Variants in CDH23 observed in about 807,000 individuals in gnomAD.
CDH23 encodes cadherin related 23.
In CDH23, 189 loss-of-function variants were observed where a neutral mutation model predicts 317.1. That is an observed-to-expected ratio of 0.60 (90% CI 0.53 to 0.67). CDH23 has a LOEUF of 0.67. Among genes scored for constraint, CDH23 ranks in the 30% least tolerant of loss-of-function variants. The pLI, the probability that CDH23 is intolerant of heterozygous loss-of-function variation, is 0.00. For synonymous variants in CDH23, 1,839 were observed against 1,876.8 expected (o/e 0.98, Z 0.52); for missense variants, 4,401 against 4,592.4 (o/e 0.96, Z 1.20).
chr10:71,804,290 G>C (rs1841647156), intron 55 of CDH23, among the ~76,000 whole-genome samples: 1 of 152,124 alleles, frequency 6.6e-6, no homozygotes. Flanking sequence ...ATCAAAATAA[G>C]AAATGAGGGG....
chr10:71,755,399 C>T, intron 38 of CDH23: 1 of 1,613,412 alleles, frequency 6.2e-7, no homozygotes, highest in Non-Finnish European at 8.5e-7. Context: ...AGACCAGGAG[C>T]AGGATGAGGG....
rs1217202830 is a variant in CDH23 at position 71,814,934 on chromosome 10, G to T, written c.9739-18G>T. 1 of 1,594,776 alleles carries T rather than the reference G, an allele frequency of 6.3e-7. No individual in the cohort carries two copies. Among genetic ancestry groups the T allele is most frequent in the East Asian group, 2.3e-5 (1 of 44,404 alleles). ...TTGGGCATGGCCCTGAGCATGTGGGGGTCCCGGCCTCTTGCAGCTGATACA... is the reference window on the plus strand; with the variant it reads ...TTGGGCATGGCCCTGAGCATGTGGGTGTCCCGGCCTCTTGCAGCTGATACA... On this transcript the variant is annotated intron_variant, in intron 69 of 69. Transcript: ENST00000224721.
At position 71,732,164 on chromosome 10, in the gene CDH23, G is replaced by T. The variant is rs778254023; in HGVS notation, c.3893G>T (p.Ser1298Ile). ...CCGCCCTTCAACCAGGGCTTCTGCA[G>T]CGTCTACATCACTCTGCTCAACGAG... ...QAPPFNQGFC[S>I]VYITLLNELD... Residue 1298 changes from serine (S) to isoleucine (I), a missense_variant, in exon 32 of 70, where the codon AGC becomes ATC. Physicochemically the swap from Ser to Ile is moderately radical, Grantham distance 142. Coordinates refer to ENST00000224721, the MANE Select transcript of CDH23 (RefSeq NM_022124.6). 6.2e-7 allele frequency: 1 copy of T among 1,614,048 alleles called. No homozygotes were observed.
intron 11 of CDH23, chr10:71,622,852 C>T (rs1861533990): frequency 2.5e-6 from 2 of 801,826 alleles, no homozygotes; most frequent in East Asian, 1.3e-4. Context: ...CACTCTCTTC[C>T]CCACCCCAGA....
At position 71,702,073 on chromosome 10, in the gene CDH23, A is replaced by G; in HGVS notation, c.2449A>G (p.Ile817Val). The change falls in exon 23 of 70, where the codon ATC (isoleucine) becomes GTC (valine). Residue 817 changes from isoleucine (I) to valine (V), a missense_variant. This residue lies in a region of CDH23 where 3,068 missense variants were observed against 3,203.3 expected (regional missense o/e 0.96). Transcript: ENST00000224721. ...LGENGTLVYS[I>V]QPPNKFYSLN... ...GGAGAATGGCACCCTGGTGTACAGC[A>G]TCCAGCCACCCAACAAGTTCTACAG... 1.2e-6 allele frequency: 2 copies of G among 1,613,902 alleles called. No individual in the cohort carries two copies. Among genetic ancestry groups the G allele is most frequent in the African/African-American group, 1.3e-5 (1 of 75,040 alleles).
At chr10:71,800,451 C>A (rs780458337) in intron 52 of CDH23, among the ~76,000 whole-genome samples, 185 bp from the exon 53 acceptor site, 1 of 152,152 alleles carries the variant, frequency 6.6e-6, no homozygotes, top group East Asian at 1.9e-4. Flanking sequence ...ACCCCATCCC[C>A]AGGTAGGTTG....
chr10:71,595,940 C>T (rs1589247014), intron 9 of CDH23, among the ~76,000 whole-genome samples: 1 of 152,226 alleles, frequency 6.6e-6, no homozygotes, highest in Admixed American at 6.5e-5. Flanking sequence ...CTTTCTCTTA[C>T]CTCTCCAGGG....
rs184805366 is a variant in CDH23 at position 71,479,267 on chromosome 10, G to A, written c.146-30815G>A. On this transcript the variant is annotated intron_variant, in intron 3 of 69. Transcript: ENST00000224721. ...TAGGCTGCTCATGTGAAGGGGGAGC[G>A]AAGGCAGAGCTAACATTTTGGGGTT... Among the ~76,000 whole-genome samples the A allele has an allele frequency of 3.0e-3, 462 of 152,284 alleles. 4 individuals carry two copies. The highest frequency in any genetic ancestry group is 0.01 in the African/African-American group (434 of 41,576).
intron 9 of CDH23, among the ~76,000 whole-genome samples, chr10:71,615,045 T>G (rs971185999): frequency 2.0e-4 from 30 of 152,240 alleles, no homozygotes; most frequent in African/African-American, 7.2e-4. Flanking sequence ...GAATAGAATA[T>G]ACTAGACTAG....
chr10:71,405,965 T>C (rs775164526), intron 1 of CDH23, among the ~76,000 whole-genome samples: 5 of 152,060 alleles, frequency 3.3e-5, no homozygotes, highest in African/African-American at 7.2e-5. Context: ...AAGCCACATG[T>C]GCAGTTTTAA....
At chr10:71,646,757 A>C in intron 14 of CDH23, 140 bp downstream of exon 14, 4 of 1,599,052 alleles carry the variant, frequency 2.5e-6, no homozygotes, top group Non-Finnish European at 3.4e-6. Context: ...TTGTTGGTGT[A>C]TTAAATAAAG....
chr10:71,606,971 C>G (rs1242872319), intron 9 of CDH23, among the ~76,000 whole-genome samples: 1 of 152,176 alleles, frequency 6.6e-6, no homozygotes, highest in South Asian at 2.1e-4. Flanking sequence ...TAACCCACAC[C>G]GCTGGCTGCC....
intron 1 of CDH23, among the ~76,000 whole-genome samples, chr10:71,433,331 A>T (rs1019014708): frequency 6.6e-6 from 1 of 152,212 alleles, no homozygotes; most frequent in Non-Finnish European, 1.5e-5. Flanking sequence ...CTTGGTGTCC[A>T]CGTACAGCTA....
At chr10:71,683,278 G>A (rs1048236915) in intron 18 of CDH23, among the ~76,000 whole-genome samples, 6 of 152,338 alleles carry the variant, frequency 3.9e-5, no homozygotes, top group East Asian at 1.9e-4. Flanking sequence ...GACAGCGAAC[G>A]CGTGTTGATC....
chr10:71,636,668 C>A (rs1564701312), intron 11 of CDH23, among the ~76,000 whole-genome samples: 1 of 152,162 alleles, frequency 6.6e-6, no homozygotes, highest in Non-Finnish European at 1.5e-5. Flanking sequence ...GACTCCTGAC[C>A]TCAGGCCCAT....
chr10:71,449,102 C>T (rs1490454307), intron 3 of CDH23, among the ~76,000 whole-genome samples: 1 of 152,156 alleles, frequency 6.6e-6, no homozygotes, highest in African/African-American at 2.4e-5. Flanking sequence ...AGCTTCCAAC[C>T]CAGGAATGTT....
chr10:71,729,975 C>T (rs1839308410), intron 30 of CDH23, among the ~76,000 whole-genome samples: 1 of 151,990 alleles, frequency 6.6e-6, no homozygotes, highest in African/African-American at 2.4e-5. Flanking sequence ...GCTGGGACTA[C>T]AGGCGCCCGC....
chr10:71,679,748 A>G (rs1031692404), intron 17 of CDH23, among the ~76,000 whole-genome samples: 5 of 152,212 alleles, frequency 3.3e-5, no homozygotes, highest in Non-Finnish European at 7.3e-5. Flanking sequence ...CAATCGAGCC[A>G]GAAGTGTGAT....
chr10:71,416,311 C>T (rs372443366), intron 1 of CDH23, among the ~76,000 whole-genome samples: 23 of 152,174 alleles, frequency 1.5e-4, no homozygotes, highest in African/African-American at 5.3e-4. Flanking sequence ...AGGCATAAGC[C>T]ACTGTGCCCA....
Sources: gnomAD v4.1 joint callset for allele counts (sites outside exome capture counted in the v4.1 genomes callset) on GRCh38, gnomAD v4.1.1 for gene constraint, gnomAD v4.1.1 regional missense constraint, MANE v1.5 for transcripts, NCBI Gene and HGNC (gene_info 2026-07-23, HGNC 2026-07-21) for gene names.